The following PIP4P2 variants were observed in gnomAD, a reference collection of about 807,000 sequenced individuals.
PIP4P2 encodes the protein type 2 phosphatidylinositol 4,5-bisphosphate 4-phosphatase.
PIP4P2 carries 19 observed loss-of-function variants against 33.3 expected under a neutral mutation model. That is an observed-to-expected ratio of 0.57 (90% CI 0.40 to 0.84). The LOEUF (loss-of-function observed/expected upper bound fraction) is 0.84. Ranked by LOEUF, PIP4P2 falls within the 40% of genes least tolerant of loss-of-function variation. The pLI is 0.00. For missense variants in PIP4P2, 270 were observed against 324.7 expected (o/e 0.83, Z 1.29); for synonymous variants, 110 against 111.9 (o/e 0.98, Z 0.11).
At chr8:91,029,711 A>T (rs1812133288) in intron 1 of PIP4P2, among the ~76,000 whole-genome samples, 1 of 152,084 alleles carries the variant, frequency 6.6e-6, no homozygotes, top group South Asian at 2.1e-4. Flanking sequence ...GTATTAAGAT[A>T]TGTAGTGCAA....
intron 4 of PIP4P2, among the ~76,000 whole-genome samples, chr8:91,017,258 G>A (rs780807528): frequency 3.9e-5 from 6 of 152,112 alleles, no homozygotes; most frequent in Non-Finnish European, 7.4e-5. Flanking sequence ...AATTAGCCAG[G>A]TGTGGTGGTG....
Position 90,995,689 on chromosome 8 carries a change from G to T in PIP4P2, c.762C>A (p.His254Gln), listed in dbSNP as rs144703182. 301 of 1,611,516 alleles carry T rather than the reference G, an allele frequency of 1.9e-4. 2 individuals are homozygous for T. The African/African-American group carries it at 3.1e-3, about 16-fold the overall frequency. Residue 254 changes from histidine (H) to glutamine (Q), a missense_variant, in exon 7 of 7, where the codon CAC (histidine) becomes CAA (glutamine). Transcript: ENST00000285419. ...ATCATAAACAAGCTTATGCAAAACTGTGTTCTGGATAACTGACTCTTATGG... is the reference window on the plus strand; with the variant it reads ...ATCATAAACAAGCTTATGCAAAACTTTGTTCTGGATAACTGACTCTTATGG... The part of the protein sequence containing the change: ...WGAIRVSYPE[H>Q]SFA
Position 91,021,364 on chromosome 8 carries a change from G to A in PIP4P2, c.147C>T (p.Asp49=), listed in dbSNP as rs746515672. ...AGTTTATTACTGGAATACCACTGGC[G>A]TCTGGACTGGCAATGGCTGTATATG... The part of the protein sequence containing the change: ...PPPYTAIASP[D]ASGIPVINCR... Residue 49 remains aspartate, a synonymous_variant, in exon 2 of 7, where the codon GAC becomes GAT. Transcript: ENST00000285419. 1.1e-5 allele frequency: 18 copies of A among 1,613,684 alleles called. No individual in the cohort carries two copies. The highest frequency in any genetic ancestry group is 2.7e-5 in the African/African-American group (2 of 74,902).
At chr8:91,022,004 C>T (rs1364822078) in intron 1 of PIP4P2, among the ~76,000 whole-genome samples, 1 of 151,908 alleles carries the variant, frequency 6.6e-6, no homozygotes, top group Non-Finnish European at 1.5e-5. Context: ...ATTTCAGACA[C>T]AAAACAAAAA....
At chr8:91,001,871 C>T (rs1296986700) in intron 5 of PIP4P2, among the ~76,000 whole-genome samples, 1 of 152,050 alleles carries the variant, frequency 6.6e-6, no homozygotes, top group South Asian at 2.1e-4. Context: ...ACAGAACTTT[C>T]ATTTGCTTTT....
chr8:90,995,213 A>ACCTAAGC lies in PIP4P2; in HGVS notation c.*463_*464insGCTTAGG, dbSNP rs1811612018. On this transcript the variant is annotated 3_prime_UTR_variant, in exon 7 of 7. Coordinates refer to ENST00000285419, the MANE Select transcript of PIP4P2 (RefSeq NM_018710.3). ...ATAAGGTCACTATAATCTTAGGTTAAAGTTACAGTAAGCAGTTCAAGCAAA... is the reference window on the plus strand; with the variant it reads ...ATAAGGTCACTATAATCTTAGGTTAACCTAAGCAGTTACAGTAAGCAGTTCAAGCAAA... 1 of 152,508 alleles carries ACCTAAGC rather than the reference A, an allele frequency of 6.6e-6. No individual in the cohort carries two copies. Among genetic ancestry groups the ACCTAAGC allele is most frequent in the Non-Finnish European group, 1.5e-5 (1 of 67,980 alleles). 9.4% of individuals were successfully genotyped at this position (152,508 alleles called of 1,614,324 possible). A position where few individuals can be genotyped will look rare whatever the true frequency, so the allele number is the denominator to read the frequency against.
intron 4 of PIP4P2, among the ~76,000 whole-genome samples, chr8:91,018,010 C>T (rs1274678873): frequency 6.6e-6 from 1 of 152,088 alleles, no homozygotes; most frequent in African/African-American, 2.4e-5. Context: ...AATTTTTCCT[C>T]AATCTAGAAG....
At chr8:91,000,878 A>C (rs1335930019) in intron 5 of PIP4P2, among the ~76,000 whole-genome samples, 2 of 151,972 alleles carry the variant, frequency 1.3e-5, no homozygotes, top group South Asian at 4.1e-4. Context: ...GCATCTTAAT[A>C]ATATATTTTC....
intron 1 of PIP4P2, among the ~76,000 whole-genome samples, chr8:91,037,533 T>C (rs1330550024): frequency 6.6e-6 from 1 of 152,172 alleles, no homozygotes; most frequent in Non-Finnish European, 1.5e-5. Context: ...CACCATTGCA[T>C]TTTGCATCTG....
Position 90,995,572 on chromosome 8 carries a change from T to C in PIP4P2, c.*105A>G. The C allele has an allele frequency of 7.2e-7, 1 of 1,388,906 alleles. No individual in the cohort carries two copies. Among genetic ancestry groups the C allele is most frequent in the Non-Finnish European group, 9.5e-7 (1 of 1,050,340 alleles). The allele number at this position is 1,388,906 out of a possible 1,614,324, so 86.0% of individuals were successfully genotyped here. On this transcript the variant is annotated 3_prime_UTR_variant, in exon 7 of 7. Transcript: ENST00000285419. ...CCCAAAGTCTTGAAACGATTATACATAAACCAGAATGGAATCCATTAGGAT... is the reference window on the plus strand; with the variant it reads ...CCCAAAGTCTTGAAACGATTATACACAAACCAGAATGGAATCCATTAGGAT...
chr8:91,040,476 C>G (rs1812290522), intron 1 of PIP4P2, among the ~76,000 whole-genome samples, 168 bp downstream of exon 1: 1 of 151,996 alleles, frequency 6.6e-6, no homozygotes, highest in Non-Finnish European at 1.5e-5. Flanking sequence ...TGCGGAGAAG[C>G]TATCAGGCAG....
chr8:90,999,227 C>T (rs879436698), intron 5 of PIP4P2, among the ~76,000 whole-genome samples: 1 of 152,122 alleles, frequency 6.6e-6, no homozygotes, highest in African/African-American at 2.4e-5. Flanking sequence ...CATCTCCCAC[C>T]AGTCAGAATT....
At chr8:91,006,550 T>C (rs1051999079) in intron 5 of PIP4P2, among the ~76,000 whole-genome samples, 7 of 152,174 alleles carry the variant, frequency 4.6e-5, no homozygotes, top group Non-Finnish European at 1.0e-4. Flanking sequence ...CTCTTAACAG[T>C]TGCTGATTTG....
intron 1 of PIP4P2, among the ~76,000 whole-genome samples, chr8:91,033,811 ACT>A (rs1251953004): frequency 6.6e-6 from 1 of 151,800 alleles, no homozygotes; most frequent in African/African-American, 2.4e-5. Context: ...ACAGAGTCTC[ACT>A]CTGTTGCGCA....
intron 1 of PIP4P2, among the ~76,000 whole-genome samples, chr8:91,036,442 T>A (rs535850014): frequency 6.6e-6 from 1 of 152,196 alleles, no homozygotes; most frequent in Non-Finnish European, 1.5e-5. Context: ...CACCATGACG[T>A]TGCATAGCCA....
rs1411466993 is a variant in PIP4P2, at chr8:91,020,260, T to C, written c.259A>G (p.Ile87Val). ...TTCTTGCCTGTTGGGGGGTTTTTGA[T>C]TGGCTGGATAAGGGAAGAAAATGCA... ...KCTVCNEATP[I>V]KNPPTGKKYV... is the part of the protein sequence containing the mutation. The change falls in exon 3 of 7, where the codon ATC (isoleucine) becomes GTC (valine). Residue 87 changes from isoleucine to valine, a missense_variant. Ile to Val is a conservative substitution (Grantham distance 29). Coordinates refer to ENST00000285419, the MANE Select transcript of PIP4P2 (RefSeq NM_018710.3). 24 of 1,613,452 alleles carry C rather than the reference T, an allele frequency of 1.5e-5. No individual in the cohort carries two copies. Among genetic ancestry groups the C allele is most frequent in the African/African-American group, 4.0e-5 (3 of 74,890 alleles).
At chr8:91,031,449 T>A (rs1192942095) in intron 1 of PIP4P2, among the ~76,000 whole-genome samples, 2 of 152,204 alleles carry the variant, frequency 1.3e-5, no homozygotes. Flanking sequence ...TAACATGCCG[T>A]CTTCCAAATT....
In PIP4P2 at chr8:90,994,102, T is replaced by C. The variant is rs1440531274; in HGVS notation, c.*1575A>G. The C allele has an allele frequency of 6.6e-6, 1 of 152,130 alleles. No homozygotes were observed. The highest frequency in any genetic ancestry group is 1.5e-5 in the Non-Finnish European group (1 of 67,992). 9.4% of individuals were successfully genotyped at this position (152,130 alleles called of 1,614,324 possible). A position where few individuals can be genotyped will look rare whatever the true frequency, so the allele number is the denominator to read the frequency against. On this transcript the variant is annotated 3_prime_UTR_variant, in exon 7 of 7. Transcript: ENST00000285419. ...TACCTAACATCAAGTGTATTACAAA[T>C]GGATTTAAAAACTATATTTTAAAAA...
rs1399842433 is a variant in PIP4P2, at chr8:91,008,916, C to A, written c.487-121G>T. 1.9e-5 allele frequency: 14 copies of A among 727,758 alleles called. No homozygotes were observed. In the Admixed American group the frequency reaches 3.8e-4, roughly 20 times the overall value. The allele number at this position is 727,758 out of a possible 1,614,324, so 45.1% of individuals were successfully genotyped here. On this transcript the variant is annotated intron_variant, in intron 4 of 6. Transcript: ENST00000285419. ...CACAACAGAAGCAATCACCTTCTCA[C>A]GGTTACATGAGTTTTTCCCTCCAAT... is the stretch of plus-strand genomic sequence containing the variant.
Sources: gnomAD v4.1 joint callset for allele counts (sites outside exome capture counted in the v4.1 genomes callset) on GRCh38, gnomAD v4.1.1 for gene constraint, MANE v1.5 for transcripts, NCBI Gene and HGNC (gene_info 2026-07-23, HGNC 2026-07-21) for gene names.